The following EBF1 variants were observed in gnomAD, a reference collection of about 807,000 sequenced individuals.
EBF1 encodes EBF transcription factor 1.
EBF1 carries 10 observed loss-of-function variants against 68.4 expected under a neutral mutation model. The observed-to-expected ratio is 0.15, with a 90% CI of 0.09 to 0.25. The LOEUF is 0.25. Among genes scored for constraint, EBF1 ranks in the 10% least tolerant of loss-of-function variants. The pLI, the probability that EBF1 is intolerant of heterozygous loss-of-function variation, is 1.00. For synonymous variants in EBF1, 298 were observed against 299.8 expected (o/e 0.99, Z 0.06); for missense variants, 509 against 794.4 (o/e 0.64, Z 4.32).
intron 6 of EBF1, among the ~76,000 whole-genome samples, chr5:158,849,424 C>A (rs1018925040): frequency 5.3e-5 from 8 of 152,150 alleles, no homozygotes; most frequent in Non-Finnish European, 7.3e-5. Context: ...AGCTTCCCAT[C>A]ATCCCACTTA....
chr5:159,093,246 G>T (rs1781977206), intron 4 of EBF1, among the ~76,000 whole-genome samples: 1 of 152,158 alleles, frequency 6.6e-6, no homozygotes. Context: ...AGTAGGAACT[G>T]CCTTTCAAAG....
In EBF1 at chr5:159,099,262, AGCTGCCGCTGCC is replaced by A. The variant is rs10537975; in HGVS notation, c.134+71_134+82del. The A allele has an allele frequency of 1.6e-5, 19 of 1,186,050 alleles. No homozygotes were observed. The South Asian group carries it at 5.0e-4, about 31-fold the overall frequency. The allele number at this position is 1,186,050 out of a possible 1,614,324, so 73.5% of individuals were successfully genotyped here. On this transcript the variant is annotated intron_variant, in intron 1 of 15. Transcript: ENST00000313708. ...CCCCGCCGCCCGGCCCCGCGGCAGC[AGCTGCCGCTGCC>A]GCTGCCGCCTCCGCCTCCCGGCTCT...
At chr5:158,854,636 T>C (rs1793617798) in intron 6 of EBF1, among the ~76,000 whole-genome samples, 1 of 152,170 alleles carries the variant, frequency 6.6e-6, no homozygotes, top group African/African-American at 2.4e-5. Context: ...TTACAACCAA[T>C]TAACCATGCA....
intron 14 of EBF1, among the ~76,000 whole-genome samples, chr5:158,709,381 T>A (rs889112042): frequency 6.6e-6 from 1 of 151,978 alleles, no homozygotes; most frequent in African/African-American, 2.4e-5. Context: ...CAGAAAGTAG[T>A]GTAGCAGCTA....
intron 10 of EBF1, among the ~76,000 whole-genome samples, chr5:158,747,521 G>A (rs1279408647): frequency 6.6e-6 from 1 of 152,094 alleles, no homozygotes. Context: ...CCATTTCAAA[G>A]CCAAATAGAC....
chr5:159,091,821 C>T lies in EBF1; in HGVS notation c.411+3799G>A, dbSNP rs917912806. ...CTTGGACCCCCCACTGTCCTGGGAACCTTTTCACGGTCTCCTCACTACATC... is the reference window on the plus strand; with the variant it reads ...CTTGGACCCCCCACTGTCCTGGGAATCTTTTCACGGTCTCCTCACTACATC... On this transcript the variant is annotated intron_variant, in intron 4 of 15. Coordinates refer to ENST00000313708, the MANE Select transcript of EBF1 (RefSeq NM_024007.5). Among the ~76,000 whole-genome samples, 16 of 152,294 alleles carry T rather than the reference C, an allele frequency of 1.1e-4. 1 individual carries two copies. The South Asian group carries it at 3.3e-3, about 32-fold the overall frequency.
intron 6 of EBF1, among the ~76,000 whole-genome samples, chr5:159,001,514 C>G (rs1424781881): frequency 6.6e-6 from 1 of 152,140 alleles, no homozygotes; most frequent in South Asian, 2.1e-4. Flanking sequence ...TCCCTCTGAG[C>G]CTCAGTTTGC....
At chr5:158,928,442 G>A (rs146667052) in intron 6 of EBF1, among the ~76,000 whole-genome samples, 1 of 152,110 alleles carries the variant, frequency 6.6e-6, no homozygotes, top group East Asian at 1.9e-4. Flanking sequence ...GATAAAATGT[G>A]ATTCTTATGA....
intron 6 of EBF1, among the ~76,000 whole-genome samples, chr5:158,885,082 G>A (rs796130291): frequency 7.2e-5 from 11 of 152,348 alleles, no homozygotes; most frequent in African/African-American, 2.6e-4. Context: ...ACTGCAGGGA[G>A]CTCAGTGTGG....
intron 6 of EBF1, among the ~76,000 whole-genome samples, chr5:159,051,757 A>C (rs1012076940): frequency 4.6e-5 from 7 of 152,026 alleles, no homozygotes; most frequent in Admixed American, 3.9e-4. Context: ...CCTCCATCCC[A>C]GCCGATCCCG....
At chr5:158,825,056 A>C in intron 7 of EBF1, among the ~76,000 whole-genome samples, 1 of 152,178 alleles carries the variant, frequency 6.6e-6, no homozygotes, top group East Asian at 1.9e-4. Flanking sequence ...AGAACAAATC[A>C]TTTGGGGGAT....
At chr5:158,823,630 T>C (rs1167373530) in intron 7 of EBF1, among the ~76,000 whole-genome samples, 1 of 152,180 alleles carries the variant, frequency 6.6e-6, no homozygotes, top group Non-Finnish European at 1.5e-5. Context: ...GTGGTTGTGT[T>C]TCACCTAAAT....
intron 6 of EBF1, among the ~76,000 whole-genome samples, chr5:159,055,598 A>G (rs1056610314): frequency 5.9e-5 from 9 of 152,244 alleles, no homozygotes; most frequent in African/African-American, 1.9e-4. Flanking sequence ...TCATATTAGA[A>G]CTATTAGTAC....
At chr5:159,030,606 T>C (rs557244148) in intron 6 of EBF1, among the ~76,000 whole-genome samples, 10 of 152,138 alleles carry the variant, frequency 6.6e-5, no homozygotes, top group Non-Finnish European at 1.2e-4. Context: ...AAGGCAGCCC[T>C]GCAGAAGGAG....
intron 6 of EBF1, among the ~76,000 whole-genome samples, chr5:159,057,245 TAC>T (rs1302633491): frequency 3.3e-5 from 5 of 152,006 alleles, no homozygotes; most frequent in Admixed American, 3.3e-4. Flanking sequence ...TAGCTGAGAT[TAC>T]AGGCATGTGC....
chr5:159,008,217 G>A lies in EBF1; in HGVS notation c.554+65179C>T, dbSNP rs77178775. Among the ~76,000 whole-genome samples the A allele has an allele frequency of 1.3e-3, 191 of 152,278 alleles. 1 individual carries two copies. The highest frequency in any genetic ancestry group is 4.4e-3 in the African/African-American group (182 of 41,564). On this transcript the variant is annotated intron_variant, in intron 6 of 15. Transcript: ENST00000313708. ...TTTAAGAAGTCAAACTTTTGACCCA[G>A]GAATTCCATGTCTAGAAATCTATTC...
chr5:158,962,851 T>C (rs1007309948), intron 6 of EBF1, among the ~76,000 whole-genome samples: 1 of 152,208 alleles, frequency 6.6e-6, no homozygotes, highest in Admixed American at 6.5e-5. Flanking sequence ...AGTTTCATAC[T>C]GACTCAAAAG....
intron 6 of EBF1, among the ~76,000 whole-genome samples, chr5:158,992,447 G>GT (rs1760526201): frequency 1.3e-5 from 2 of 151,812 alleles, no homozygotes; most frequent in South Asian, 2.1e-4. Context: ...ACATTGATGT[G>GT]TTTTTTCTGA....
chr5:158,735,917 T>A (rs1245997377), intron 10 of EBF1, among the ~76,000 whole-genome samples: 1 of 152,206 alleles, frequency 6.6e-6, no homozygotes, highest in Non-Finnish European at 1.5e-5. Flanking sequence ...CTATAATCTC[T>A]AATGTCCAAA....
Sources: allele counts gnomAD v4.1 joint callset (sites outside exome capture counted in the v4.1 genomes callset), GRCh38; gene constraint gnomAD v4.1.1; transcripts MANE v1.5; gene names NCBI Gene and HGNC (gene_info 2026-07-23, HGNC 2026-07-21).